The following HS3ST5 variants were observed in gnomAD, a reference collection of about 807,000 sequenced individuals.
HS3ST5 encodes heparan sulfate-glucosamine 3-sulfotransferase 5.
In HS3ST5, 10 loss-of-function variants were observed where a neutral mutation model predicts 25.4. That is an observed-to-expected ratio of 0.39 (90% CI 0.24 to 0.67). HS3ST5 has a LOEUF of 0.67. HS3ST5 is among the 30% of genes least tolerant of loss of function. The pLI, the probability that HS3ST5 is intolerant of heterozygous loss-of-function variation, is 0.44. For synonymous variants in HS3ST5, 170 were observed against 162.4 expected (o/e 1.05, Z -0.36); for missense variants, 324 against 420.7 (o/e 0.77, Z 2.01).
At chr6:114,225,286 G>GT (rs1242455052) in intron 2 of HS3ST5, among the ~76,000 whole-genome samples, 1 of 151,816 alleles carries the variant, frequency 6.6e-6, no homozygotes, top group Non-Finnish European at 1.5e-5. Context: ...AGGAAAGTTT[G>GT]TAAGGCCAAA....
At chr6:114,183,667 G>C (rs1037310392) in intron 2 of HS3ST5, among the ~76,000 whole-genome samples, 1 of 152,192 alleles carries the variant, frequency 6.6e-6, no homozygotes, top group African/African-American at 2.4e-5. Flanking sequence ...GTAATAAGTA[G>C]AGGTAGGAAG....
At chr6:114,252,129 A>C (rs1772691907) in intron 1 of HS3ST5, among the ~76,000 whole-genome samples, 1 of 148,822 alleles carries the variant, frequency 6.7e-6, no homozygotes, top group Non-Finnish European at 1.5e-5. Context: ...CTATCTTTTA[A>C]AACCAGAAAG....
At chr6:114,292,675 G>A (rs1014339291) in intron 1 of HS3ST5, among the ~76,000 whole-genome samples, 3 of 152,200 alleles carry the variant, frequency 2.0e-5, no homozygotes, top group Non-Finnish European at 4.4e-5. Context: ...GTTACTCATG[G>A]TTTGGTGGTG....
chr6:114,291,695 A>C (rs1472235025), intron 1 of HS3ST5, among the ~76,000 whole-genome samples: 2 of 152,182 alleles, frequency 1.3e-5, no homozygotes, highest in Non-Finnish European at 2.9e-5. Flanking sequence ...AAAAGATCTG[A>C]AATGTCAGTC....
chr6:114,079,133 G>C (rs1332775347), intron 3 of HS3ST5, among the ~76,000 whole-genome samples: 1 of 152,182 alleles, frequency 6.6e-6, no homozygotes, highest in Non-Finnish European at 1.5e-5. Context: ...AACCAGGGTG[G>C]TGGTTGATCA....
At chr6:114,223,643 CAA>C (rs1432874799) in intron 2 of HS3ST5, among the ~76,000 whole-genome samples, 4 of 151,542 alleles carry the variant, frequency 2.6e-5, no homozygotes, top group Non-Finnish European at 5.9e-5. Context: ...TTCTTCAAAT[CAA>C]AAAAGTTTTA....
chr6:114,252,389 G>A (rs1772703850), intron 1 of HS3ST5, among the ~76,000 whole-genome samples: 1 of 152,176 alleles, frequency 6.6e-6, no homozygotes, highest in African/African-American at 2.4e-5. Context: ...ACCCTCAAAA[G>A]AGAAGCTATA....
intron 3 of HS3ST5, among the ~76,000 whole-genome samples, chr6:114,115,800 GT>G (rs2114861194): frequency 6.6e-6 from 1 of 152,146 alleles, no homozygotes; most frequent in Admixed American, 6.6e-5. Context: ...GTTCAATACA[GT>G]TCTGTGGTGA....
At chr6:114,302,465 C>T (rs930722158) in intron 1 of HS3ST5, among the ~76,000 whole-genome samples, 1 of 152,136 alleles carries the variant, frequency 6.6e-6, no homozygotes, top group South Asian at 2.1e-4. Flanking sequence ...TATCAATCAC[C>T]TGCTACTTAA....
At chr6:114,107,291 T>C (rs1015392882) in intron 3 of HS3ST5, among the ~76,000 whole-genome samples, 3 of 152,110 alleles carry the variant, frequency 2.0e-5, no homozygotes, top group Non-Finnish European at 4.4e-5. Context: ...AGAAAAACCA[T>C]ATGATCACCT....
At chr6:114,063,954 T>A (rs571638445) in intron 3 of HS3ST5, among the ~76,000 whole-genome samples, 29 of 152,356 alleles carry the variant, frequency 1.9e-4, no homozygotes, top group African/African-American at 6.5e-4. Context: ...TGTTCTCATA[T>A]ACCTGAAATA....
At chr6:114,297,675 G>T (rs1437517942) in intron 1 of HS3ST5, among the ~76,000 whole-genome samples, 3 of 152,166 alleles carry the variant, frequency 2.0e-5, no homozygotes, top group Non-Finnish European at 4.4e-5. Context: ...TACTGGATAT[G>T]GGGAATACAG....
intron 3 of HS3ST5, among the ~76,000 whole-genome samples, chr6:114,128,220 C>G (rs299410): frequency 6.6e-6 from 1 of 151,944 alleles, no homozygotes; most frequent in East Asian, 1.9e-4. Context: ...ACTTAAATAA[C>G]TGACATTTTA....
At position 114,057,106 on chromosome 6, in the gene HS3ST5, C is replaced by A; in HGVS notation, c.*151G>T. 12 of 536,176 alleles carry A rather than the reference C, an allele frequency of 2.2e-5. No individual in the cohort carries two copies. Among genetic ancestry groups the A allele is most frequent in the South Asian group, 4.0e-5 (1 of 24,978 alleles). 33.2% of individuals were successfully genotyped at this position (536,176 alleles called of 1,614,324 possible). ...TCGTAAATTTTCAGTAGAAAAAGAA[C>A]TGATCTTATATTTGGTCACACACTG... On this transcript the variant is annotated 3_prime_UTR_variant, in exon 5 of 5. Coordinates refer to ENST00000312719, the MANE Select transcript of HS3ST5 (RefSeq NM_153612.4).
chr6:114,232,131 G>A (rs1049562676), intron 1 of HS3ST5, among the ~76,000 whole-genome samples: 5 of 151,662 alleles, frequency 3.3e-5, no homozygotes, highest in South Asian at 2.1e-4. Flanking sequence ...CTCATCTCTC[G>A]TATTATCCAT....
At chr6:114,300,958 G>C (rs1176089207) in intron 1 of HS3ST5, among the ~76,000 whole-genome samples, 1 of 152,172 alleles carries the variant, frequency 6.6e-6, no homozygotes, top group East Asian at 1.9e-4. Context: ...AAAATCTATA[G>C]AGACAGAAAG....
intron 1 of HS3ST5, among the ~76,000 whole-genome samples, chr6:114,293,234 T>C (rs188028968): frequency 1.3e-5 from 2 of 152,178 alleles, no homozygotes; most frequent in East Asian, 3.9e-4. Context: ...AGCAGCAGCC[T>C]AGGGCTCAGA....
At chr6:114,158,552 CAA>C (rs960017315) in intron 3 of HS3ST5, among the ~76,000 whole-genome samples, 2 of 152,028 alleles carry the variant, frequency 1.3e-5, no homozygotes, top group African/African-American at 4.8e-5. Flanking sequence ...ACATAGCAGA[CAA>C]AGAAAATGAG....
At chr6:114,173,388 A>G (rs1387219140) in intron 2 of HS3ST5, among the ~76,000 whole-genome samples, 4 of 152,246 alleles carry the variant, frequency 2.6e-5, no homozygotes, top group Non-Finnish European at 5.9e-5. Flanking sequence ...TCAATAAAAT[A>G]TTTTTAAGCA....
Sources: allele counts gnomAD v4.1 joint callset (sites outside exome capture counted in the v4.1 genomes callset), GRCh38; gene constraint gnomAD v4.1.1; transcripts MANE v1.5; gene names NCBI Gene and HGNC (gene_info 2026-07-23, HGNC 2026-07-21).